The following ZMYND8 variants were observed in gnomAD, a reference collection of about 807,000 sequenced individuals.
The protein encoded by ZMYND8 is zinc finger MYND-type containing 8.
Under a neutral mutation model 140.8 loss-of-function variants are expected in ZMYND8, and 37 were observed. The ratio of observed to expected loss-of-function variants is 0.26; its 90% confidence interval spans 0.20 to 0.35. ZMYND8 has a LOEUF of 0.35. ZMYND8 is among the 10% of genes least tolerant of loss of function. The pLI is 1.00. For synonymous variants in ZMYND8, 592 were observed against 597.1 expected (o/e 0.99, Z 0.12); for missense variants, 1,068 against 1,570.0 (o/e 0.68, Z 5.40).
At chr20:47,255,264 G>A (rs1442735631) in intron 12 of ZMYND8, among the ~76,000 whole-genome samples, 1 of 152,064 alleles carries the variant, frequency 6.6e-6, no homozygotes, top group East Asian at 1.9e-4. Flanking sequence ...GCAGGAACAG[G>A]GGTATAGAGA....
At chr20:47,307,563 G>A (rs1214701781) in intron 3 of ZMYND8, among the ~76,000 whole-genome samples, 1 of 152,054 alleles carries the variant, frequency 6.6e-6, no homozygotes, top group East Asian at 1.9e-4. Flanking sequence ...AATATAGCAA[G>A]ACCCCATCTC....
At chr20:47,347,626 A>G (rs1033609909) in intron 2 of ZMYND8, among the ~76,000 whole-genome samples, 10 of 152,172 alleles carry the variant, frequency 6.6e-5, no homozygotes, top group African/African-American at 2.2e-4. Flanking sequence ...CATGACACAC[A>G]GGTAAAATTC....
In ZMYND8 at chr20:47,290,292, G is replaced by T; in HGVS notation, c.661-18C>A. 1 of 1,611,282 alleles carries T rather than the reference G, an allele frequency of 6.2e-7. No individual in the cohort carries two copies. Among genetic ancestry groups the T allele is most frequent in the Non-Finnish European group, 8.5e-7 (1 of 1,178,388 alleles). On this transcript the variant is annotated intron_variant, in intron 6 of 22. Coordinates refer to ENST00000471951, the MANE Select transcript of ZMYND8 (RefSeq NM_001281775.3). ...TTCGCATTCTGGGAAGAAAAGCGAT[G>T]GAGCATAATCACAGTGAGTCTAGAC...
rs144540255 is a variant in ZMYND8 at position 47,246,457 on chromosome 20, G to A, written c.1835C>T (p.Ser612Phe). Residue 612 changes from serine (S) to phenylalanine (F), a missense_variant, in exon 14 of 23, where the codon TCT becomes TTT. By Grantham distance (155) the Ser-to-Phe change is radical. Transcript: ENST00000471951. ...ACTATCGCTACTATCTGACTTCTCA[G>A]AATCCTCCGAATCGCTGTGCTCTAC... ...TAVEHSDSED[S>F]EKSDSSDSEY... is the part of the protein sequence containing the mutation. 2.5e-6 allele frequency: 4 copies of A among 1,613,490 alleles called. No homozygotes were observed. Among genetic ancestry groups the A allele is most frequent in the African/African-American group, 2.7e-5 (2 of 74,876 alleles).
intron 16 of ZMYND8, among the ~76,000 whole-genome samples, chr20:47,232,449 C>T (rs550033538): frequency 3.3e-5 from 5 of 152,082 alleles, no homozygotes; most frequent in East Asian, 1.9e-4. Context: ...ACCCAGCTAC[C>T]TGGGGAAGCC....
intron 2 of ZMYND8, among the ~76,000 whole-genome samples, chr20:47,333,512 C>A (rs1157550768): frequency 9.2e-5 from 14 of 152,098 alleles, no homozygotes; most frequent in African/African-American, 3.4e-4. Context: ...AGGTGGATCA[C>A]ATCAAGAGAT....
At chr20:47,251,157 C>A (rs1361644232) in intron 12 of ZMYND8, among the ~76,000 whole-genome samples, 3 of 152,128 alleles carry the variant, frequency 2.0e-5, no homozygotes, top group African/African-American at 7.2e-5. Flanking sequence ...CCCTGTAATT[C>A]AAGAAAAATA....
intron 19 of ZMYND8, among the ~76,000 whole-genome samples, chr20:47,221,790 C>T (rs1323700604): frequency 6.6e-6 from 1 of 152,186 alleles, no homozygotes; most frequent in East Asian, 1.9e-4. Context: ...TCTCAGCCCA[C>T]CAAGTAGCTG....
chr20:47,308,001 C>G (rs1316658744), intron 3 of ZMYND8, among the ~76,000 whole-genome samples: 1 of 151,200 alleles, frequency 6.6e-6, no homozygotes, highest in East Asian at 2.0e-4. Context: ...GCCTGTAATC[C>G]CAGCTACTCG....
intron 10 of ZMYND8, among the ~76,000 whole-genome samples, chr20:47,278,939 C>T (rs1309977903): frequency 3.3e-5 from 5 of 151,968 alleles, no homozygotes; most frequent in African/African-American, 1.2e-4. Flanking sequence ...CTGAGCTAGC[C>T]TCAGCTCTGT....
In ZMYND8 at chr20:47,230,988, C is replaced by T. The variant is rs1021497030; in HGVS notation, c.2857-1182G>A. 8.6e-5 allele frequency among the ~76,000 whole-genome samples: 13 copies of T among 151,858 alleles called. No individual in the cohort carries two copies. In the East Asian group the frequency reaches 2.3e-3, roughly 27 times the overall value. The stretch of plus-strand genomic sequence containing the variant: ...CGCGCATCCGTGCTGCAGCAGGCAG[C>T]GGAACTTCATTCCTTTTTATAGTCC... On this transcript the variant is annotated intron_variant, in intron 16 of 22. Coordinates refer to ENST00000471951, the MANE Select transcript of ZMYND8 (RefSeq NM_001281775.3).
chr20:47,327,370 T>C (rs559646074), intron 2 of ZMYND8, among the ~76,000 whole-genome samples: 1 of 150,754 alleles, frequency 6.6e-6, no homozygotes, highest in African/African-American at 2.4e-5. Flanking sequence ...AAAGAAAAAA[T>C]AGGCCAGGTG....
chr20:47,325,670 G>A (rs2080348847), intron 2 of ZMYND8, among the ~76,000 whole-genome samples: 1 of 152,166 alleles, frequency 6.6e-6, no homozygotes, highest in Admixed American at 6.5e-5. Flanking sequence ...TTTATAACTT[G>A]AATGGGATGG....
In ZMYND8 at chr20:47,255,252, G is replaced by A. The variant is rs569300772; in HGVS notation, c.1622-5813C>T. Among the ~76,000 whole-genome samples the A allele has an allele frequency of 1.0e-3, 156 of 152,214 alleles. 3 individuals are homozygous for A. The South Asian group carries it at 0.03, about 30-fold the overall frequency. On this transcript the variant is annotated intron_variant, in intron 12 of 22. Coordinates refer to ENST00000471951, the MANE Select transcript of ZMYND8 (RefSeq NM_001281775.3). ...ACTAAAAACTTGCAACAGTGGTGAC[G>A]TGCAGGAACAGGGGTATAGAGACAG...
intron 2 of ZMYND8, chr20:47,318,457 A>T (rs922769219): frequency 1.5e-5 from 5 of 339,914 alleles, no homozygotes; most frequent in Non-Finnish European, 2.9e-5. Flanking sequence ...CCAACCAGTA[A>T]TTACATCATA....
intron 14 of ZMYND8, among the ~76,000 whole-genome samples, chr20:47,239,411 G>A (rs897755534): frequency 6.6e-6 from 1 of 152,230 alleles, no homozygotes; most frequent in African/African-American, 2.4e-5. Flanking sequence ...GGGAGAATGA[G>A]GCAAACAAGA....
At chr20:47,255,875 A>G (rs1337800998) in intron 12 of ZMYND8, among the ~76,000 whole-genome samples, 1 of 148,534 alleles carries the variant, frequency 6.7e-6, no homozygotes, top group Non-Finnish European at 1.5e-5. Flanking sequence ...GGAGTTCGAG[A>G]CCAGCCTGGC....
At chr20:47,236,891 T>C (rs760938097) in intron 15 of ZMYND8, among the ~76,000 whole-genome samples, 26 of 152,158 alleles carry the variant, frequency 1.7e-4, no homozygotes, top group Non-Finnish European at 3.4e-4. Context: ...CCCAACTTCA[T>C]GAAGTGCCCG....
intron 12 of ZMYND8, among the ~76,000 whole-genome samples, chr20:47,252,937 C>T (rs968932166): frequency 1.3e-5 from 2 of 152,090 alleles, no homozygotes; most frequent in African/African-American, 4.8e-5. Context: ...AAATAAAAGC[C>T]CAGAGAGTAA....
Sources: gnomAD v4.1 joint callset for allele counts (sites outside exome capture counted in the v4.1 genomes callset) on GRCh38, gnomAD v4.1.1 for gene constraint, MANE v1.5 for transcripts, NCBI Gene and HGNC (gene_info 2026-07-23, HGNC 2026-07-21) for gene names.